The following NSRP1 variants were observed in gnomAD, a reference collection of about 807,000 sequenced individuals.
NSRP1 encodes coiled-coil domain containing 55.
NSRP1 carries 24 observed loss-of-function variants against 54.7 expected under a neutral mutation model. The observed-to-expected ratio is 0.44, with a 90% CI of 0.32 to 0.62. The LOEUF (loss-of-function observed/expected upper bound fraction) is 0.62. NSRP1 is among the 20% of genes least tolerant of loss of function. The probability of loss-of-function intolerance (pLI) is 0.06; values close to 1 mark genes in which losing one functional copy is unlikely to be tolerated. For synonymous variants in NSRP1, 210 were observed against 213.8 expected (o/e 0.98, Z 0.15); for missense variants, 596 against 651.2 (o/e 0.92, Z 0.92).
chr17:30,120,337 T>G (rs2071585688), intron 2 of NSRP1, among the ~76,000 whole-genome samples: 1 of 152,210 alleles, frequency 6.6e-6, no homozygotes, highest in Admixed American at 6.5e-5. Flanking sequence ...GAATCAAGGT[T>G]ACTAGTTAAA....
chr17:30,178,474 A>T (rs1567806949), intron 4 of NSRP1, among the ~76,000 whole-genome samples: 1 of 152,116 alleles, frequency 6.6e-6, no homozygotes, highest in Non-Finnish European at 1.5e-5. Flanking sequence ...TAATGTACCA[A>T]ATTTGTACTG....
intron 2 of NSRP1, among the ~76,000 whole-genome samples, chr17:30,153,819 G>GT (rs1480032106): frequency 6.6e-6 from 1 of 152,218 alleles, no homozygotes; most frequent in South Asian, 2.1e-4. Flanking sequence ...CTTAGAGGCT[G>GT]TTTTAGCTTA....
rs930125474 is a variant in NSRP1 at position 30,137,948 on chromosome 17, C to T, written c.114+19775C>T. ...ACTGTTGTTCAACTATTACCATGGT[C>T]TATTTTGAGAACTTTTTTATCTTCC... On this transcript the variant is annotated intron_variant, in intron 2 of 6. Transcript: ENST00000247026. Among the ~76,000 whole-genome samples the T allele has an allele frequency of 1.0e-3, 152 of 152,256 alleles. 1 individual carries two copies. The highest frequency in any genetic ancestry group is 3.2e-4 in the Non-Finnish European group (22 of 68,014).
intron 2 of NSRP1, among the ~76,000 whole-genome samples, chr17:30,153,480 C>T (rs1232266554): frequency 1.3e-5 from 2 of 152,102 alleles, no homozygotes; most frequent in Non-Finnish European, 2.9e-5. Context: ...TTATATCACT[C>T]ACTGCCTTCA....
At chr17:30,181,354 A>C (rs1905285222) in intron 6 of NSRP1, among the ~76,000 whole-genome samples, 1 of 151,188 alleles carries the variant, frequency 6.6e-6, no homozygotes, top group African/African-American at 2.4e-5. Context: ...GGAGAGCAAA[A>C]TCTTCAAGGG....
intron 2 of NSRP1, among the ~76,000 whole-genome samples, chr17:30,166,617 G>A (rs981869486): frequency 2.0e-5 from 3 of 152,094 alleles, no homozygotes; most frequent in Non-Finnish European, 2.9e-5. Context: ...AGTACAATAC[G>A]TTTTTGTTAA....
chr17:30,140,090 T>C (rs2071789643), intron 2 of NSRP1, among the ~76,000 whole-genome samples: 1 of 152,236 alleles, frequency 6.6e-6, no homozygotes. Context: ...TTCCAGAGGC[T>C]GCTTACATGT....
At chr17:30,133,936 T>G (rs181384668) in intron 2 of NSRP1, among the ~76,000 whole-genome samples, 1 of 152,128 alleles carries the variant, frequency 6.6e-6, no homozygotes, top group Non-Finnish European at 1.5e-5. Context: ...CTTGACTGTT[T>G]GACTGCAAGA....
intron 2 of NSRP1, among the ~76,000 whole-genome samples, chr17:30,138,959 C>T (rs2071777736): frequency 7.8e-6 from 1 of 128,300 alleles, no homozygotes; most frequent in South Asian, 2.7e-4. Context: ...GCTTTGTCGC[C>T]CAGGCTGGAG....
intron 2 of NSRP1, among the ~76,000 whole-genome samples, chr17:30,168,396 A>C (rs1259333187): frequency 2.0e-5 from 3 of 151,946 alleles, no homozygotes; most frequent in Non-Finnish European, 4.4e-5. Context: ...ATTAAACACA[A>C]GCAACATCCT....
At chr17:30,178,848 A>T (rs1437448518) in intron 4 of NSRP1, among the ~76,000 whole-genome samples, 1 of 152,072 alleles carries the variant, frequency 6.6e-6, no homozygotes, top group Non-Finnish European at 1.5e-5. Context: ...GAAAAAAATT[A>T]TATTTAGTTT....
chr17:30,182,909 G>A (rs1459844392), intron 6 of NSRP1, among the ~76,000 whole-genome samples: 2 of 152,096 alleles, frequency 1.3e-5, no homozygotes, highest in African/African-American at 2.4e-5. Flanking sequence ...ACTCCAGCTT[G>A]GGTGACAGTG....
intron 2 of NSRP1, among the ~76,000 whole-genome samples, chr17:30,130,314 T>C (rs2071688522): frequency 6.6e-6 from 1 of 151,944 alleles, no homozygotes; most frequent in South Asian, 2.1e-4. Flanking sequence ...GCCCAGGCTG[T>C]TCTGGAGCCC....
intron 2 of NSRP1, among the ~76,000 whole-genome samples, chr17:30,125,463 A>G (rs2071641316): frequency 6.6e-6 from 1 of 152,200 alleles, no homozygotes; most frequent in Admixed American, 6.5e-5. Flanking sequence ...GCCCTAGCAC[A>G]TGAATTGTTT....
At chr17:30,177,232 A>G (rs1293956314) in intron 3 of NSRP1, among the ~76,000 whole-genome samples, 1 of 152,068 alleles carries the variant, frequency 6.6e-6, no homozygotes, top group Non-Finnish European at 1.5e-5. Flanking sequence ...TTAGCCAGGC[A>G]TGGTGGCACA....
At chr17:30,141,292 C>T (rs2071803059) in intron 2 of NSRP1, among the ~76,000 whole-genome samples, 1 of 152,074 alleles carries the variant, frequency 6.6e-6, no homozygotes, top group Non-Finnish European at 1.5e-5. Flanking sequence ...TTCAGTGCTG[C>T]ATTGAGTGCA....
At chr17:30,169,945 A>G (rs568847593) in intron 2 of NSRP1, among the ~76,000 whole-genome samples, 8 of 151,906 alleles carry the variant, frequency 5.3e-5, no homozygotes, top group African/African-American at 1.2e-4. Context: ...TTTTGTGTAC[A>G]TATATATATT....
At chr17:30,123,877 A>G (rs117769368) in intron 2 of NSRP1, among the ~76,000 whole-genome samples, 321 of 152,304 alleles carry the variant, frequency 2.1e-3, no homozygotes, top group African/African-American at 5.6e-3. Context: ...CTTGTGGTTT[A>G]ATATACAAAT....
chr17:30,132,957 C>G (rs963635074), intron 2 of NSRP1, among the ~76,000 whole-genome samples: 1 of 151,972 alleles, frequency 6.6e-6, no homozygotes, highest in African/African-American at 2.4e-5. Flanking sequence ...TTTGTTTTTT[C>G]GAGACAAGGT....
Sources: allele counts gnomAD v4.1 joint callset (sites outside exome capture counted in the v4.1 genomes callset), GRCh38; gene constraint gnomAD v4.1.1; transcripts MANE v1.5; gene names NCBI Gene and HGNC (gene_info 2026-07-23, HGNC 2026-07-21).